PLA2G5: variants seen among roughly 807,000 people sequenced by gnomAD.
PLA2G5 encodes the protein phospholipase A2 group V, also known as Ca2+-dependent phospholipase A2.
In PLA2G5, 12 loss-of-function variants were observed where a neutral mutation model predicts 15.9. That is an observed-to-expected ratio of 0.76 (90% CI 0.48 to 1.23). The LOEUF (loss-of-function observed/expected upper bound fraction) is 1.23, where lower values mean the gene tolerates loss of function less well. Ranked by LOEUF, PLA2G5 falls within the 50% of genes most tolerant of loss-of-function variation. The pLI, the probability that PLA2G5 is intolerant of heterozygous loss-of-function variation, is 0.00. For synonymous variants in PLA2G5, 71 were observed against 71.4 expected, an observed-to-expected ratio of 0.99 and a Z score of 0.03; for missense variants, 169 against 177.1, an observed-to-expected ratio of 0.95 and a Z score of 0.26.
intron 1 of PLA2G5, among the ~76,000 whole-genome samples, chr1:20,046,386 G>A (rs2013903647): frequency 6.6e-6 from 1 of 152,056 alleles, no homozygotes; most frequent in Non-Finnish European, 1.5e-5. Context: ...CTGCAAAAGA[G>A]GAAAAAACAA....
chr1:20,078,528 C>T (rs183087078), intron 1 of PLA2G5, among the ~76,000 whole-genome samples: 3 of 152,170 alleles, frequency 2.0e-5, no homozygotes, highest in African/African-American at 7.2e-5. Flanking sequence ...TCTGTGTTTA[C>T]TTCTGTCTTC....
chr1:20,072,082 TG>T (rs11573203), intron 1 of PLA2G5, among the ~76,000 whole-genome samples: 43,417 of 151,914 alleles, frequency 0.29, 6,287 homozygotes, highest in East Asian at 0.35. Flanking sequence ...CGCTCCAGCC[TG>T]GGGCAACAGA....
At chr1:20,030,139 A>G (rs2012839554) in intron 1 of PLA2G5, among the ~76,000 whole-genome samples, 1 of 152,182 alleles carries the variant, frequency 6.6e-6, no homozygotes, top group African/African-American at 2.4e-5. Context: ...GAGTGGACCC[A>G]GGGGACCAGC....
At chr1:20,073,912 A>T (rs1011542161) in intron 1 of PLA2G5, among the ~76,000 whole-genome samples, 3 of 152,092 alleles carry the variant, frequency 2.0e-5, no homozygotes, top group African/African-American at 7.2e-5. Context: ...CTACCTGCTA[A>T]TAATATAACA....
chr1:20,044,880 C>A (rs1044692039), intron 1 of PLA2G5, among the ~76,000 whole-genome samples: 1 of 151,140 alleles, frequency 6.6e-6, no homozygotes, highest in East Asian at 2.0e-4. Context: ...GACTTAGCAG[C>A]GTTTGGGGTT....
chr1:20,048,258 T>A (rs1247352146), intron 1 of PLA2G5, among the ~76,000 whole-genome samples: 1 of 152,176 alleles, frequency 6.6e-6, no homozygotes, highest in East Asian at 1.9e-4. Flanking sequence ...TAAGATAGCC[T>A]TAAAATTGTT....
intron 1 of PLA2G5, among the ~76,000 whole-genome samples, chr1:20,034,464 G>T (rs2013137794): frequency 6.6e-6 from 1 of 152,178 alleles, no homozygotes. Context: ...TGGATGGATT[G>T]GAACCACTGC....
At chr1:20,051,848 A>C (rs1226929950) in intron 1 of PLA2G5, among the ~76,000 whole-genome samples, 1 of 152,196 alleles carries the variant, frequency 6.6e-6, no homozygotes, top group Non-Finnish European at 1.5e-5. Flanking sequence ...AGTTTCTGAC[A>C]GGCCCAGGAG....
At chr1:20,047,780 T>C (rs1398273087) in intron 1 of PLA2G5, among the ~76,000 whole-genome samples, 1 of 151,906 alleles carries the variant, frequency 6.6e-6, no homozygotes, top group Non-Finnish European at 1.5e-5. Flanking sequence ...TTAAAAGGCA[T>C]TTATAATTTC....
At chr1:20,076,425 G>C (rs868333072) in intron 1 of PLA2G5, among the ~76,000 whole-genome samples, 1 of 152,152 alleles carries the variant, frequency 6.6e-6, no homozygotes, top group African/African-American at 2.4e-5. Flanking sequence ...TGACACTCTG[G>C]TTAGATGTCT....
chr1:20,088,124 A>G (rs6684663), intron 3 of PLA2G5, among the ~76,000 whole-genome samples: 129,381 of 152,204 alleles, frequency 0.85, 54,992 homozygotes, highest in Middle Eastern at 0.92. Flanking sequence ...TTGGGAGGCC[A>G]AGACAGGTGG....
intron 2 of PLA2G5, among the ~76,000 whole-genome samples, chr1:20,065,071 A>C (rs2014949288): frequency 6.6e-6 from 1 of 152,226 alleles, no homozygotes; most frequent in African/African-American, 2.4e-5. Context: ...GAATGCACGC[A>C]ATAACTTCAG....
At chr1:20,061,090 G>A (rs569524891) in intron 2 of PLA2G5, among the ~76,000 whole-genome samples, 2 of 152,258 alleles carry the variant, frequency 1.3e-5, no homozygotes, top group East Asian at 1.9e-4. Flanking sequence ...TGGTGATTCC[G>A]GACCTCCTCC....
chr1:20,062,563 G>A (rs1425002011), intron 2 of PLA2G5, among the ~76,000 whole-genome samples: 1 of 152,204 alleles, frequency 6.6e-6, no homozygotes, highest in East Asian at 1.9e-4. Context: ...GGAGGCCAAA[G>A]TGGGAGGATC....
chr1:20,083,462 G>A (rs1270739355), intron 1 of PLA2G5, among the ~76,000 whole-genome samples: 1 of 151,788 alleles, frequency 6.6e-6, no homozygotes, highest in East Asian at 1.9e-4. Context: ...CTGAAGGGGA[G>A]AGCCCCAGGC....
intron 2 of PLA2G5, 133 bp downstream of exon 2, chr1:20,085,003 T>G (rs1317404595): frequency 1.2e-5 from 9 of 747,450 alleles, no homozygotes; most frequent in Admixed American, 9.4e-5. Context: ...TGCATAGACA[T>G]TCAGCAAGAG....
At chr1:20,082,441 G>A (rs890704299) in intron 1 of PLA2G5, among the ~76,000 whole-genome samples, 5 of 151,768 alleles carry the variant, frequency 3.3e-5, no homozygotes, top group African/African-American at 4.9e-5. Flanking sequence ...GTTAAATGCC[G>A]CCATTTTGCC....
chr1:20,087,180 A>G (rs1190559567), intron 3 of PLA2G5, among the ~76,000 whole-genome samples: 2 of 152,246 alleles, frequency 1.3e-5, no homozygotes, highest in Non-Finnish European at 2.9e-5. Context: ...TATCATACTA[A>G]TATAAGATGT....
intron 4 of PLA2G5, 52 bp downstream of exon 4, chr1:20,089,947 T>C (rs1163335406): frequency 7.6e-7 from 1 of 1,316,470 alleles, no homozygotes; most frequent in Non-Finnish European, 1.1e-6. Context: ...TGACTTTAAG[T>C]TCAGCTGCCC....
Sources: gnomAD v4.1 joint callset for allele counts (sites outside exome capture counted in the v4.1 genomes callset) on GRCh38, gnomAD v4.1.1 for gene constraint, MANE v1.5 for transcripts, NCBI Gene and HGNC (gene_info 2026-07-23, HGNC 2026-07-21) for gene names.